Variants in ZC3H14 observed in about 807,000 individuals in gnomAD.
ZC3H14 encodes zinc finger CCCH domain-containing protein 14.
A neutral mutation model predicts 92.4 loss-of-function variants in ZC3H14; 31 were observed. The observed-to-expected ratio is 0.34, with a 90% CI of 0.25 to 0.45. ZC3H14 has a LOEUF of 0.45. ZC3H14 is among the 20% of genes least tolerant of loss of function. The pLI, the probability that ZC3H14 is intolerant of heterozygous loss-of-function variation, is 1.00. For synonymous variants in ZC3H14, 321 were observed against 300.9 expected, an observed-to-expected ratio of 1.07 and a Z score of -0.69; for missense variants, 781 against 897.3, an observed-to-expected ratio of 0.87 and a Z score of 1.66.
At position 88,613,512 on chromosome 14, in the gene ZC3H14, G is replaced by A. The variant is rs2087151454; in HGVS notation, c.*1761G>A. 1 of 152,072 alleles carries A rather than the reference G, an allele frequency of 6.6e-6. No individual in the cohort carries two copies. Among genetic ancestry groups the A allele is most frequent in the Non-Finnish European group, 1.5e-5 (1 of 67,984 alleles). The allele number at this position is 152,072 out of a possible 1,614,324, so 9.4% of individuals were successfully genotyped here. A position where few individuals can be genotyped will look rare whatever the true frequency, so the allele number is the denominator to read the frequency against. ...AATAATAAAATACTAAAATCTGATT[G>A]TTTTTTGCTATTTAATAGCCACTGC... On this transcript the variant is annotated 3_prime_UTR_variant, in exon 17 of 17. Transcript: ENST00000251038.
At chr14:88,595,578 A>G (rs1479397657) in intron 9 of ZC3H14, among the ~76,000 whole-genome samples, 1 of 152,194 alleles carries the variant, frequency 6.6e-6, no homozygotes, top group Non-Finnish European at 1.5e-5. Flanking sequence ...GTTCCTCAGA[A>G]TGTGTGTTTT....
rs774168537 is a variant in ZC3H14, at chr14:88,572,942, C to G, written c.796C>G (p.Leu266Val). 2 of 1,614,088 alleles carry G rather than the reference C, an allele frequency of 1.2e-6. No individual in the cohort carries two copies. Among genetic ancestry groups the G allele is most frequent in the South Asian group, 2.2e-5 (2 of 91,074 alleles). The stretch of plus-strand genomic sequence containing the variant: ...AGGACGTTTGTGTGAACCAGAGGTG[C>G]TTAACAGCTTAGAAGAAACGTATAG... Reference protein sequence around the residue: ...ETGRLCEPEVLNSLEETYSPF... With the variant: ...ETGRLCEPEVVNSLEETYSPF... Residue 266 changes from leucine (L) to valine (V), a missense_variant, in exon 6 of 17, where the codon CTT (leucine) becomes GTT (valine). This residue lies in a region of ZC3H14 where 454 missense variants were observed against 438.5 expected (regional missense o/e 1.04). Transcript: ENST00000251038.
chr14:88,598,217 C>T (rs1211687907), intron 10 of ZC3H14, among the ~76,000 whole-genome samples: 10 of 152,042 alleles, frequency 6.6e-5, no homozygotes, highest in Non-Finnish European at 1.3e-4. Context: ...TGAGTTGGGG[C>T]ATGGGGCACT....
rs890981677 is a variant in ZC3H14, at chr14:88,622,814, T to TA, written c.*11063_*11064insA. 315 of 761,390 alleles carry TA rather than the reference T, an allele frequency of 4.1e-4. 2 individuals are homozygous for TA. The highest frequency in any genetic ancestry group is 5.8e-4 in the Non-Finnish European group (303 of 520,766). The allele number at this position is 761,390 out of a possible 1,614,324, so 47.2% of individuals were successfully genotyped here. A position where few individuals can be genotyped will look rare whatever the true frequency, so the allele number is the denominator to read the frequency against. On this transcript the variant is annotated 3_prime_UTR_variant, in exon 17 of 17. Transcript: ENST00000251038. ...AAGTTATAAGCAGAATCTTTTTTTT[T>TA]TAAAAAGGCCCTGATATTTATAATT...
chr14:88,615,010 A>G lies in ZC3H14; in HGVS notation c.*3259A>G, dbSNP rs1391219112. 6.6e-6 allele frequency: 1 copy of G among 152,234 alleles called. No homozygotes were observed. Among genetic ancestry groups the G allele is most frequent in the Non-Finnish European group, 1.5e-5 (1 of 68,032 alleles). 9.4% of individuals were successfully genotyped at this position (152,234 alleles called of 1,614,324 possible). On this transcript the variant is annotated 3_prime_UTR_variant, in exon 17 of 17. Transcript: ENST00000251038. ...ATATGCAATTCTTTCTTCCAGTTAA[A>G]TACTGTTGCTCCCTAAAACCCTTAC... is the stretch of plus-strand genomic sequence containing the variant.
Position 88,615,768 on chromosome 14 carries a change from C to T in ZC3H14, c.*4017C>T, listed in dbSNP as rs754624492. 12 of 1,582,590 alleles carry T rather than the reference C, an allele frequency of 7.6e-6. No homozygotes were observed. The highest frequency in any genetic ancestry group is 1.0e-5 in the Non-Finnish European group (12 of 1,163,586). On this transcript the variant is annotated 3_prime_UTR_variant, in exon 17 of 17. Coordinates refer to ENST00000251038, the MANE Select transcript of ZC3H14 (RefSeq NM_024824.5). ...GCAGGGTTGGGTTTTGGTTTTTCTT[C>T]TCTGTAATTCTGGTCTCAAAGTTAA...
At chr14:88,594,942 TAG>T in intron 9 of ZC3H14, 4 of 1,613,936 alleles carry the variant, frequency 2.5e-6, no homozygotes, top group Non-Finnish European at 3.4e-6. Context: ...ATCTAAATGT[TAG>T]AGTGTCCAAG....
At chr14:88,607,934 T>C (rs1432418188) in intron 13 of ZC3H14, among the ~76,000 whole-genome samples, 1 of 42,740 alleles carries the variant, frequency 2.3e-5, no homozygotes, top group Non-Finnish European at 4.0e-5. Context: ...GCAAGTACCA[T>C]CCCCCATCTC....
rs772358971 is a variant in ZC3H14 at position 88,601,991 on chromosome 14, G to A, written c.1422G>A (p.Leu474=). ...TRSFILKKPK[L]SEEVVVAPNQ... ...CATTTATTCTGAAGAAGCCAAAGCT[G>A]TCTGAGGAAGTAGTAGTGGCACCAA... The change falls in exon 11 of 17, where the codon CTG becomes CTA. Residue 474 remains leucine, a synonymous_variant. Transcript: ENST00000251038. 8.7e-6 allele frequency: 14 copies of A among 1,614,194 alleles called. No individual in the cohort carries two copies. The highest frequency in any genetic ancestry group is 3.3e-5 in the South Asian group (3 of 91,086).
chr14:88,565,412 A>T (rs1307303078), intron 2 of ZC3H14, among the ~76,000 whole-genome samples: 1 of 152,148 alleles, frequency 6.6e-6, no homozygotes, highest in Non-Finnish European at 1.5e-5. Context: ...AAGTGCTGGG[A>T]TTACAGGTGT....
chr14:88,620,710 A>G lies in ZC3H14; in HGVS notation c.*8959A>G. 7.1e-7 allele frequency: 1 copy of G among 1,407,584 alleles called. No individual in the cohort carries two copies. 87.2% of individuals were successfully genotyped at this position (1,407,584 alleles called of 1,614,324 possible). ...ATGGAAAATTTTACAAATGGAAGTT[A>G]AATCAAGTATATACTAGAAACTCTA... On this transcript the variant is annotated 3_prime_UTR_variant, in exon 17 of 17. Transcript: ENST00000251038. This position sits in a 1 kb window ranked among gnomAD's most constrained non-coding sequence, Gnocchi z 4.3.
intron 15 of ZC3H14, 78 bp from the exon 16 acceptor site, chr14:88,610,756 C>A: frequency 7.1e-7 from 1 of 1,401,452 alleles, no homozygotes; most frequent in East Asian, 2.3e-5. Flanking sequence ...GAGTGAGACC[C>A]TGTCTCAAAT....
intron 9 of ZC3H14, chr14:88,595,079 AAAT>A (rs2083630581): frequency 1.2e-6 from 2 of 1,612,788 alleles, no homozygotes; most frequent in East Asian, 4.5e-5. Flanking sequence ...ACTGATGTAA[AAAT>A]AATCGGCTTC....
At chr14:88,577,046 C>T (rs763966748) in intron 8 of ZC3H14, among the ~76,000 whole-genome samples, 8 of 152,100 alleles carry the variant, frequency 5.3e-5, no homozygotes, top group Non-Finnish European at 8.8e-5. Context: ...CCTGCCTCCT[C>T]GGCCTCCCAA....
chr14:88,581,062 T>A (rs532197209), intron 9 of ZC3H14, among the ~76,000 whole-genome samples: 13 of 152,304 alleles, frequency 8.5e-5, no homozygotes, highest in African/African-American at 3.1e-4. Context: ...TCTTAGGAAA[T>A]CTAATGGAGG....
intron 9 of ZC3H14, among the ~76,000 whole-genome samples, chr14:88,592,685 G>A (rs888101385): frequency 6.6e-6 from 1 of 151,804 alleles, no homozygotes; most frequent in African/African-American, 2.4e-5. Context: ...ATTTTTAGTG[G>A]AGACAGGGTT....
chr14:88,595,619 T>G (rs2083706043), intron 9 of ZC3H14, among the ~76,000 whole-genome samples: 1 of 152,226 alleles, frequency 6.6e-6, no homozygotes, highest in Non-Finnish European at 1.5e-5. Context: ...AGGAATTGAC[T>G]TTTTTGGGAC....
intron 13 of ZC3H14, 22 bp from the exon 14 acceptor site, chr14:88,609,245 A>G (rs1279429477): frequency 3.1e-6 from 5 of 1,613,628 alleles, no homozygotes; most frequent in East Asian, 2.2e-5. Flanking sequence ...AATATGAAAT[A>G]TGCTTTTTTT....
rs142555760 is a variant in ZC3H14, at chr14:88,571,949, C to G, written c.236-81C>G. On this transcript the variant is annotated intron_variant, in intron 4 of 16. Coordinates refer to ENST00000251038, the MANE Select transcript of ZC3H14 (RefSeq NM_024824.5). ...ACTGCCCTCCAGCCTGGCGACAGAGCGAGACTCCATCTCAAAAATAAATAA... is the reference window on the plus strand; with the variant it reads ...ACTGCCCTCCAGCCTGGCGACAGAGGGAGACTCCATCTCAAAAATAAATAA... 1.2e-3 allele frequency: 1,370 copies of G among 1,177,654 alleles called. 13 individuals carry two copies. The African/African-American group carries it at 0.02, about 17-fold the overall frequency. 73.0% of individuals were successfully genotyped at this position (1,177,654 alleles called of 1,614,324 possible). A position where few individuals can be genotyped will look rare whatever the true frequency, so the allele number is the denominator to read the frequency against.
Sources: gnomAD v4.1 joint callset for allele counts (sites outside exome capture counted in the v4.1 genomes callset) on GRCh38, gnomAD v4.1.1 for gene constraint, gnomAD v4.1.1 regional missense constraint, Gnocchi (gnomAD v3.1) non-coding constraint, MANE v1.5 for transcripts, NCBI Gene and HGNC (gene_info 2026-07-23, HGNC 2026-07-21) for gene names.